The following GRAMD1A variants were observed in gnomAD, a reference collection of about 807,000 sequenced individuals.
GRAMD1A encodes GRAM domain containing 1A.
A neutral mutation model predicts 92.0 loss-of-function variants in GRAMD1A; 50 were observed. That is an observed-to-expected ratio of 0.54 (90% CI 0.43 to 0.69). The LOEUF (loss-of-function observed/expected upper bound fraction) is 0.69. Among genes scored for constraint, GRAMD1A ranks in the 30% least tolerant of loss-of-function variants. The pLI is 0.00. For synonymous variants in GRAMD1A, 405 were observed against 403.6 expected (o/e 1.00, Z -0.04); for missense variants, 819 against 978.9 (o/e 0.84, Z 2.18).
rs373254753 is a variant in GRAMD1A, at chr19:35,023,557, G to A, written c.2082+10G>A. 7.0e-5 allele frequency: 109 copies of A among 1,564,456 alleles called. No individual in the cohort carries two copies. The African/African-American group carries it at 7.2e-4, about 10-fold the overall frequency. ...GGAGCTCCTGGATGAGGTAGGAGGC[G>A]CCGCTCGGGCAGGGCTCGGGGCTGC... On this transcript the variant is annotated intron_variant, in intron 19 of 19. Coordinates refer to ENST00000317991, the MANE Select transcript of GRAMD1A (RefSeq NM_020895.5).
chr19:35,022,982 C>A, intron 17 of GRAMD1A, 71 bp downstream of exon 17: 1 of 1,200,938 alleles, frequency 8.3e-7, no homozygotes, highest in Non-Finnish European at 1.2e-6. Flanking sequence ...CTTCTCCCCA[C>A]CCCATGCCCC....
intron 1 of GRAMD1A, among the ~76,000 whole-genome samples, chr19:35,002,267 T>C (rs1396264849): frequency 2.6e-5 from 4 of 152,166 alleles, no homozygotes; most frequent in Non-Finnish European, 5.9e-5. Flanking sequence ...TTCCACTACC[T>C]GGCCACTGTG....
chr19:35,007,320 G>A (rs1308098323), intron 1 of GRAMD1A, among the ~76,000 whole-genome samples: 3 of 152,120 alleles, frequency 2.0e-5, no homozygotes, highest in African/African-American at 7.2e-5. Context: ...TTGGGAGGCC[G>A]AGGTGGGCGG....
intron 19 of GRAMD1A, 131 bp downstream of exon 19, chr19:35,023,678 C>G: frequency 1.2e-6 from 1 of 813,524 alleles, no homozygotes; most frequent in Non-Finnish European, 1.9e-6. Flanking sequence ...GGAAGCCGCT[C>G]AGAGTCCCCA....
intron 1 of GRAMD1A, among the ~76,000 whole-genome samples, chr19:35,007,220 G>A (rs944281106): frequency 1.3e-5 from 2 of 152,218 alleles, no homozygotes; most frequent in South Asian, 2.1e-4. Context: ...TGTCCAGGCT[G>A]GAGGTGATGG....
Position 35,000,551 on chromosome 19 carries a change from C to A in GRAMD1A, c.8+65C>A. ...GGGGGAGGCCACCGGAGGGAGGGGGCGCCGCGGGCTTGGGGAGGGGGCGGA... is the reference window on the plus strand; with the variant it reads ...GGGGGAGGCCACCGGAGGGAGGGGGAGCCGCGGGCTTGGGGAGGGGGCGGA... On this transcript the variant is annotated intron_variant, in intron 1 of 19. Transcript: ENST00000317991. The surrounding 1 kb of genome is among the most constrained non-coding windows in gnomAD (Gnocchi z 4.9). 8.5e-7 allele frequency: 1 copy of A among 1,181,104 alleles called. No homozygotes were observed. Among genetic ancestry groups the A allele is most frequent in the Non-Finnish European group, 1.1e-6 (1 of 942,418 alleles). 73.2% of individuals were successfully genotyped at this position (1,181,104 alleles called of 1,614,324 possible).
chr19:34,996,077 C>G (rs1171392140), upstream of GRAMD1A: 7 of 1,535,672 alleles, frequency 4.6e-6, no homozygotes, highest in South Asian at 7.1e-5. Flanking sequence ...ACAGGGCAGT[C>G]CCCAGGGCTC....
Position 35,013,754 on chromosome 19 carries a change from C to A in GRAMD1A, c.870+63C>A. 1 of 1,484,746 alleles carries A rather than the reference C, an allele frequency of 6.7e-7. No individual in the cohort carries two copies. The allele number at this position is 1,484,746 out of a possible 1,614,324, so 92.0% of individuals were successfully genotyped here. ...GGAAGAGAGAGGAGGGCTGGGGGTG[C>A]AGTGGGAGAAGAACAGCCTGACAGA... On this transcript the variant is annotated intron_variant, in intron 9 of 19. Coordinates refer to ENST00000317991, the MANE Select transcript of GRAMD1A (RefSeq NM_020895.5). The surrounding 1 kb of genome is among the most constrained non-coding windows in gnomAD (Gnocchi z 4.9).
chr19:34,999,540 C>T (rs1383959259), upstream of GRAMD1A: 1 of 152,156 alleles, frequency 6.6e-6, no homozygotes, highest in Non-Finnish European at 1.5e-5. Flanking sequence ...GTTATGGCGT[C>T]AGAGCAGGAT....
At chr19:35,014,700 A>T (rs2015499586) in intron 10 of GRAMD1A, 1 of 413,914 alleles carries the variant, frequency 2.4e-6, no homozygotes, top group Non-Finnish European at 4.5e-6. Flanking sequence ...GTTAACAATG[A>T]TAATACCCAC....
At chr19:35,012,455 C>A (rs1465838851) in intron 7 of GRAMD1A, among the ~76,000 whole-genome samples, 1 of 152,266 alleles carries the variant, frequency 6.6e-6, no homozygotes, top group Non-Finnish European at 1.5e-5. Context: ...TTACTGTTAA[C>A]TGTCATCACT....
In GRAMD1A at chr19:35,026,122, C is replaced by G; in HGVS notation, c.2156C>G (p.Pro719Arg). Residue 719 changes from proline to arginine, a missense_variant, in exon 20 of 20, where the codon CCC becomes CGC. This residue lies in a region of GRAMD1A where 577 missense variants were observed against 674.6 expected (regional missense o/e 0.86). Transcript: ENST00000317991. ...CCTCCCTTTGACACCCAGCCCCGGC[C>G]CGATGACAGCTTTTCCTGAGGACCC... ...SDPPFDTQPR[P>R]DDSFS is the part of the protein sequence containing the mutation. 1 of 1,579,834 alleles carries G rather than the reference C, an allele frequency of 6.3e-7. No individual in the cohort carries two copies. Among genetic ancestry groups the G allele is most frequent in the South Asian group, 1.1e-5 (1 of 90,416 alleles).
At chr19:35,006,070 A>G (rs1290327292) in intron 1 of GRAMD1A, 2 of 439,520 alleles carry the variant, frequency 4.6e-6, no homozygotes, top group Non-Finnish European at 9.2e-6. Context: ...TCACAGCTGT[A>G]ATCTCCTAGC....
chr19:35,013,416 C>G lies in GRAMD1A; in HGVS notation c.719+48C>G. The G allele has an allele frequency of 6.7e-7, 1 of 1,496,834 alleles. No homozygotes were observed. Among genetic ancestry groups the G allele is most frequent in the Non-Finnish European group, 9.2e-7 (1 of 1,084,762 alleles). The allele number at this position is 1,496,834 out of a possible 1,614,324, so 92.7% of individuals were successfully genotyped here. A position where few individuals can be genotyped will look rare whatever the true frequency, so the allele number is the denominator to read the frequency against. On this transcript the variant is annotated intron_variant, in intron 8 of 19. Transcript: ENST00000317991. This position sits in a 1 kb window ranked among gnomAD's most constrained non-coding sequence, Gnocchi z 4.9. ...TTGAAGGGTTCGGGGGAGAACAGGACGGTCGGCGTGCAGAGTTCCTGGAGT... is the reference window on the plus strand; with the variant it reads ...TTGAAGGGTTCGGGGGAGAACAGGAGGGTCGGCGTGCAGAGTTCCTGGAGT...
rs952258858 is a variant in GRAMD1A, at chr19:35,009,041, G to A, written c.9-78G>A. The A allele has an allele frequency of 4.1e-5, 37 of 907,888 alleles. No homozygotes were observed. The African/African-American group carries it at 5.4e-4, about 13-fold the overall frequency. 56.2% of individuals were successfully genotyped at this position (907,888 alleles called of 1,614,324 possible). A position where few individuals can be genotyped will look rare whatever the true frequency, so the allele number is the denominator to read the frequency against. On this transcript the variant is annotated intron_variant, in intron 1 of 19. Transcript: ENST00000317991. ...TGTGTATTCGGGGATCAATGGGTGG[G>A]CCTCTGAAAATAGGCCTGTCCCCGA...
intron 18 of GRAMD1A, 27 bp downstream of exon 18, chr19:35,023,370 G>A: frequency 6.2e-7 from 1 of 1,613,934 alleles, no homozygotes; most frequent in South Asian, 1.1e-5. Context: ...GGGAAATGGG[G>A]GGGCTTGGGC....
Position 35,011,506 on chromosome 19 carries a change from C to A in GRAMD1A, c.558C>A (p.Arg186=), listed in dbSNP as rs1399057733. 6.2e-7 allele frequency: 1 copy of A among 1,611,820 alleles called. No individual in the cohort carries two copies. The highest frequency in any genetic ancestry group is 8.5e-7 in the Non-Finnish European group (1 of 1,179,834). Residue 186 remains arginine (R), a synonymous_variant, in exon 7 of 20, where the codon CGC becomes CGA. Transcript: ENST00000317991. ...HFFTSFGARD[R]CFLLIFRLWQ... Reference sequence around the variant, plus strand: ...TCACTTCCTTTGGGGCCCGTGACCGCTGCTTCCTCCTCATCTTCCGCCTCT... The same window carrying A: ...TCACTTCCTTTGGGGCCCGTGACCGATGCTTCCTCCTCATCTTCCGCCTCT...
chr19:35,020,132 C>T (rs941035108), intron 13 of GRAMD1A, among the ~76,000 whole-genome samples: 1 of 152,170 alleles, frequency 6.6e-6, no homozygotes, highest in African/African-American at 2.4e-5. Context: ...TGGCTCACAC[C>T]TGTAATCCCA....
chr19:34,995,698 C>T (rs558717088), upstream of GRAMD1A, among the ~76,000 whole-genome samples: 6 of 151,678 alleles, frequency 4.0e-5, no homozygotes, highest in South Asian at 1.3e-3. Flanking sequence ...ATCCTACCGC[C>T]TCAGCCTCCC....
Sources: gnomAD v4.1 joint callset for allele counts (sites outside exome capture counted in the v4.1 genomes callset) on GRCh38, gnomAD v4.1.1 for gene constraint, gnomAD v4.1.1 regional missense constraint, Gnocchi (gnomAD v3.1) non-coding constraint, MANE v1.5 for transcripts, NCBI Gene and HGNC (gene_info 2026-07-23, HGNC 2026-07-21) for gene names.